Variants in NEXMIF observed in about 807,000 individuals in gnomAD.
NEXMIF encodes the protein neurite extension and migration factor, also known as XLMR protein related to neurite extension.
In NEXMIF, 8 loss-of-function variants were observed where a neutral mutation model predicts 62.1. The ratio of observed to expected loss-of-function variants is 0.13; its 90% confidence interval spans 0.08 to 0.23. The LOEUF is 0.23. Ranked by LOEUF, NEXMIF falls within the 10% of genes least tolerant of loss-of-function variation. The pLI, the probability that NEXMIF is intolerant of heterozygous loss-of-function variation, is 1.00. For synonymous variants in NEXMIF, 404 were observed against 416.6 expected (o/e 0.97, Z 0.37); for missense variants, 976 against 1,113.3 (o/e 0.88, Z 1.75).
At chrX:74,791,894 AT>A (rs2080284834) in intron 1 of NEXMIF, among the ~76,000 whole-genome samples, 1 of 111,178 alleles carries the variant, frequency 9.0e-6, no homozygotes, top group Non-Finnish European at 1.9e-5. Flanking sequence ...ATAGCGGTCT[AT>A]CAATTTTGTT....
chrX:74,813,614 C>A (rs189660932), intron 1 of NEXMIF, among the ~76,000 whole-genome samples: 1 of 112,435 alleles, frequency 8.9e-6, no homozygotes, highest in South Asian at 3.7e-4. Flanking sequence ...TTTTCTCTCA[C>A]AACTAGTGAG....
intron 1 of NEXMIF, among the ~76,000 whole-genome samples, chrX:74,784,612 T>A (rs927545810): frequency 5.6e-5 from 6 of 106,562 alleles, no homozygotes; most frequent in Non-Finnish European, 9.7e-5. Flanking sequence ...ATGCAATATT[T>A]TATATATATA....
chrX:74,763,327 T>A (rs1282249182), intron 1 of NEXMIF, among the ~76,000 whole-genome samples: 2 of 111,973 alleles, frequency 1.8e-5, no homozygotes, highest in South Asian at 3.7e-4. Flanking sequence ...TTGGTCTATA[T>A]CTCTGTTTTG....
intron 1 of NEXMIF, among the ~76,000 whole-genome samples, chrX:74,789,545 G>A (rs886730212): frequency 8.1e-5 from 9 of 111,153 alleles, no homozygotes; most frequent in African/African-American, 3.0e-4. Context: ...CTGAGGAATT[G>A]CCACACTGAC....
At position 74,822,970 on chromosome X, in the gene NEXMIF, GAATA is replaced by G. The variant is rs747676418; in HGVS notation, c.-47-77277_-47-77274del. Among the ~76,000 whole-genome samples, 363 of 111,720 alleles carry G rather than the reference GAATA, an allele frequency of 3.2e-3. 2 individuals are homozygous for G. Among genetic ancestry groups the G allele is most frequent in the African/African-American group, 0.011 (343 of 30,745 alleles). On this transcript the variant is annotated intron_variant, in intron 1 of 3. Coordinates refer to ENST00000055682, the MANE Select transcript of NEXMIF (RefSeq NM_001008537.3). ...AAAACCTAAATGTTCCTCACATTAT[GAATA>G]AATAAATAATGTAGCATACCCATAC...
At chrX:74,761,912 G>T (rs189980612) in intron 1 of NEXMIF, among the ~76,000 whole-genome samples, 107 of 111,142 alleles carry the variant, frequency 9.6e-4, no homozygotes, top group Admixed American at 9.6e-4. Context: ...TTGTATCTTT[G>T]TTCTTATCAG....
intron 1 of NEXMIF, among the ~76,000 whole-genome samples, chrX:74,776,746 C>T (rs866349649): frequency 3.0e-5 from 2 of 67,129 alleles, no homozygotes; most frequent in Non-Finnish European, 6.5e-5. Context: ...AAAAAAAAAA[C>T]AAACAAAAAA....
At chrX:74,840,476 C>G (rs1416051348) in intron 1 of NEXMIF, among the ~76,000 whole-genome samples, 1 of 111,750 alleles carries the variant, frequency 8.9e-6, no homozygotes, top group African/African-American at 3.2e-5. Context: ...GGTGCAGAAG[C>G]CCTTAAGTTT....
At chrX:74,871,811 T>G (rs947507434) in intron 1 of NEXMIF, among the ~76,000 whole-genome samples, 1 of 111,666 alleles carries the variant, frequency 9.0e-6, no homozygotes, top group African/African-American at 3.3e-5. Context: ...ATTATTCTGT[T>G]TTTTCAGGGT....
In NEXMIF at chrX:74,734,637, A is replaced by G. The variant is rs1475648169; in HGVS notation, c.*4768T>C. The G allele has an allele frequency of 7.2e-5, 8 of 111,879 alleles. No homozygotes were observed. The East Asian group carries it at 2.3e-3, about 31-fold the overall frequency. The allele number at this position is 111,879 out of a possible 1,213,427, so 9.2% of individuals were successfully genotyped here. Reference sequence around the variant, plus strand: ...TGTTTCTTCAGTGTCTTTAGTATCAATTTACCCAGATACTGATTTTGAAAG... The same window carrying G: ...TGTTTCTTCAGTGTCTTTAGTATCAGTTTACCCAGATACTGATTTTGAAAG... On this transcript the variant is annotated 3_prime_UTR_variant, in exon 4 of 4. Coordinates refer to ENST00000055682, the MANE Select transcript of NEXMIF (RefSeq NM_001008537.3).
intron 1 of NEXMIF, among the ~76,000 whole-genome samples, chrX:74,811,925 A>G (rs2080361745): frequency 8.8e-6 from 1 of 113,063 alleles, no homozygotes; most frequent in Admixed American, 9.3e-5. Flanking sequence ...TCTCTAAGTA[A>G]GGTGGGGTGG....
chrX:74,754,916 A>G (rs939097364), intron 1 of NEXMIF, among the ~76,000 whole-genome samples: 11 of 111,943 alleles, frequency 9.8e-5, no homozygotes, highest in African/African-American at 3.2e-4. Context: ...GGCCCAGGAA[A>G]CAATCTTGGT....
chrX:74,803,279 C>T (rs2080335193), intron 1 of NEXMIF, among the ~76,000 whole-genome samples: 1 of 111,906 alleles, frequency 8.9e-6, no homozygotes, highest in Admixed American at 9.5e-5. Context: ...AAACTGTGGG[C>T]CGGGCTCACG....
In NEXMIF at chrX:74,868,704, G is replaced by C. The variant is rs190065446; in HGVS notation, c.-48+56179C>G. Among the ~76,000 whole-genome samples, 96 of 110,379 alleles carry C rather than the reference G, an allele frequency of 8.7e-4. 1 individual carries two copies. The highest frequency in any genetic ancestry group is 2.7e-3 in the African/African-American group (82 of 30,360). On this transcript the variant is annotated intron_variant, in intron 1 of 3. Transcript: ENST00000055682. ...TAATACCTAGGTGATGGGTTGATAG[G>C]TGCAGCAAACCACCAGGGCACATGT... is the stretch of plus-strand genomic sequence containing the variant.
In NEXMIF at chrX:74,740,935, T is replaced by C; in HGVS notation, c.3622A>G (p.Ile1208Val). 8.3e-7 allele frequency: 1 copy of C among 1,211,939 alleles called. No individual in the cohort carries two copies. Among genetic ancestry groups the C allele is most frequent in the Non-Finnish European group, 1.1e-6 (1 of 895,510 alleles). ...GAGTTTTTGCCAGGTGGTTTTTCAA[T>C]CCCCTTGTTGTTACCTTTGAGGGAT... ...KKSLKGNNKG[I>V]EKPPGKNSRQ... Residue 1208 changes from isoleucine (I) to valine (V), a missense_variant, in exon 3 of 4, where the codon ATT (isoleucine) becomes GTT (valine). By Grantham distance (29) the Ile-to-Val change is conservative (BLOSUM62 3). Coordinates refer to ENST00000055682, the MANE Select transcript of NEXMIF (RefSeq NM_001008537.3).
intron 1 of NEXMIF, among the ~76,000 whole-genome samples, chrX:74,871,948 C>G (rs763753639): frequency 2.7e-5 from 3 of 111,306 alleles, no homozygotes; most frequent in Non-Finnish European, 3.8e-5. Flanking sequence ...GACATACATC[C>G]TCAGCTTACA....
intron 1 of NEXMIF, among the ~76,000 whole-genome samples, chrX:74,801,949 G>C (rs1479001030): frequency 8.9e-6 from 1 of 112,306 alleles, no homozygotes; most frequent in Non-Finnish European, 1.9e-5. Flanking sequence ...CTGTGGTTGT[G>C]GTGGCCATGG....
At chrX:74,790,983 A>C (rs1445134838) in intron 1 of NEXMIF, among the ~76,000 whole-genome samples, 2 of 110,518 alleles carry the variant, frequency 1.8e-5, no homozygotes, top group African/African-American at 3.3e-5. Flanking sequence ...TCTCCTGCCT[A>C]ATTGCCCTGG....
At chrX:74,806,728 A>C (rs1297535412) in intron 1 of NEXMIF, among the ~76,000 whole-genome samples, 3 of 112,688 alleles carry the variant, frequency 2.7e-5, no homozygotes, top group African/African-American at 9.7e-5. Flanking sequence ...GATACTTTTT[A>C]TGTTAATTTT....
Sources: allele counts gnomAD v4.1 joint callset (sites outside exome capture counted in the v4.1 genomes callset), GRCh38; gene constraint gnomAD v4.1.1; transcripts MANE v1.5; gene names NCBI Gene and HGNC (gene_info 2026-07-23, HGNC 2026-07-21).